CUL2: variants seen among roughly 807,000 people sequenced by gnomAD.
CUL2 encodes cullin 2, also known as cullin-2.
CUL2 carries 22 observed loss-of-function variants against 110.2 expected under a neutral mutation model. That is an observed-to-expected ratio of 0.20 (90% confidence interval 0.14 to 0.28). The LOEUF is 0.28. CUL2 is among the 10% of genes least tolerant of loss of function. CUL2 has a pLI of 1.00. For missense variants in CUL2, 631 were observed against 905.5 expected, an observed-to-expected ratio of 0.70 and a Z score of 3.89; for synonymous variants, 279 against 293.2, an observed-to-expected ratio of 0.95 and a Z score of 0.49.
intron 17 of CUL2, among the ~76,000 whole-genome samples, chr10:35,021,924 G>C (rs987516387): frequency 6.7e-6 from 1 of 149,616 alleles, no homozygotes; most frequent in Non-Finnish European, 1.5e-5. Context: ...AGTGGGGCGA[G>C]GGGGCACCCG....
intron 2 of CUL2, among the ~76,000 whole-genome samples, chr10:35,066,424 A>C (rs2086527385): frequency 6.6e-6 from 1 of 151,960 alleles, no homozygotes; most frequent in African/African-American, 2.4e-5. Flanking sequence ...CTACCTCCTG[A>C]GTAGCTGGGA....
intron 4 of CUL2, among the ~76,000 whole-genome samples, chr10:35,056,803 A>T (rs1444671012): frequency 6.6e-6 from 1 of 152,200 alleles, no homozygotes; most frequent in Non-Finnish European, 1.5e-5. Flanking sequence ...TTTTCTGGTC[A>T]CTGGCACCAA....
At chr10:35,112,598 A>G (rs1263422665) in intron 1 of CUL2, among the ~76,000 whole-genome samples, 5 of 152,210 alleles carry the variant, frequency 3.3e-5, no homozygotes, top group African/African-American at 4.8e-5. Context: ...CCTCAAGTCT[A>G]TGGCTGAGTT....
At chr10:35,089,905 T>C (rs1410979663) in intron 1 of CUL2, 2 of 152,176 alleles carry the variant, frequency 1.3e-5, no homozygotes, top group Non-Finnish European at 2.9e-5. Context: ...CCTTCCCTCC[T>C]TCGAAGGAAA....
chr10:35,018,582 G>A (rs2085103926), intron 17 of CUL2, among the ~76,000 whole-genome samples: 1 of 151,884 alleles, frequency 6.6e-6, no homozygotes, highest in South Asian at 2.1e-4. Flanking sequence ...TGACCAACAT[G>A]GAGAAACCCC....
At chr10:35,048,779 C>T (rs1453903829) in intron 6 of CUL2, among the ~76,000 whole-genome samples, 4 of 152,162 alleles carry the variant, frequency 2.6e-5, no homozygotes, top group African/African-American at 7.2e-5. Flanking sequence ...CACCTACTTT[C>T]TATTGGGTAT....
Position 35,071,896 on chromosome 10 carries a change from G to A in CUL2, c.-22-557C>T, listed in dbSNP as rs2134992356. ...AAAGCTTCTAGTACAAATTATTTAT[G>A]ATCAAGGGTATAGTTTCAAAGATTT... On this transcript the variant is annotated intron_variant, in intron 1 of 20. Coordinates refer to ENST00000374749, the MANE Select transcript of CUL2 (RefSeq NM_003591.4). 1.3e-5 allele frequency among the ~76,000 whole-genome samples: 2 copies of A among 152,286 alleles called. 1 individual carries two copies. The highest frequency in any genetic ancestry group is 4.1e-4 in the South Asian group (2 of 4,824).
At chr10:35,018,718 G>A (rs974666378) in intron 17 of CUL2, among the ~76,000 whole-genome samples, 41 of 143,828 alleles carry the variant, frequency 2.9e-4, no homozygotes, top group African/African-American at 1.0e-3. Context: ...AGCCGAGATC[G>A]CGCCATTGCA....
chr10:35,040,789 C>G (rs964808539), intron 8 of CUL2, among the ~76,000 whole-genome samples: 1 of 152,164 alleles, frequency 6.6e-6, no homozygotes, highest in Non-Finnish European at 1.5e-5. Context: ...CTCAGATCCT[C>G]AGGCATTAGA....
chr10:35,017,267 GGA>G (rs1171948949), intron 17 of CUL2, among the ~76,000 whole-genome samples: 1 of 152,138 alleles, frequency 6.6e-6, no homozygotes, highest in Non-Finnish European at 1.5e-5. Flanking sequence ...AGGTATGAAA[GGA>G]GAGACAAACA....
At chr10:35,123,637 G>A (rs1256669421) in intron 1 of CUL2, among the ~76,000 whole-genome samples, 2 of 152,180 alleles carry the variant, frequency 1.3e-5, no homozygotes, top group Admixed American at 6.6e-5. Context: ...ATCGTTTCAA[G>A]GTGTAGAGGC....
At chr10:35,108,342 A>G (rs1191368013) in intron 1 of CUL2, among the ~76,000 whole-genome samples, 1 of 151,676 alleles carries the variant, frequency 6.6e-6, no homozygotes, top group African/African-American at 2.4e-5. Flanking sequence ...CTGTAGTCCC[A>G]GCTACTTGGG....
At chr10:35,112,535 A>C (rs1056943193) in intron 1 of CUL2, among the ~76,000 whole-genome samples, 5 of 152,222 alleles carry the variant, frequency 3.3e-5, no homozygotes, top group Admixed American at 1.3e-4. Context: ...GACAGACTGC[A>C]AGAGAAGACA....
At chr10:35,049,818 C>A in intron 5 of CUL2, 53 bp from the exon 6 acceptor site, 1 of 1,217,690 alleles carries the variant, frequency 8.2e-7, no homozygotes, top group Non-Finnish European at 1.2e-6. Flanking sequence ...ATATGTTTAA[C>A]ATTTCCTCAA....
chr10:35,017,745 T>C (rs577702634), intron 17 of CUL2, among the ~76,000 whole-genome samples: 42 of 150,948 alleles, frequency 2.8e-4, no homozygotes, highest in Admixed American at 8.6e-4. Flanking sequence ...CTCTAAGAGA[T>C]AGAGCAAGTA....
At chr10:35,027,143 C>CTTT (rs35508150) in intron 16 of CUL2, among the ~76,000 whole-genome samples, 1 of 127,586 alleles carries the variant, frequency 7.8e-6, no homozygotes, top group Non-Finnish European at 1.7e-5. Flanking sequence ...ACTTTAGATA[C>CTTT]TTTTTTTTTT....
At chr10:35,087,625 C>T (rs2087096198) in intron 1 of CUL2, among the ~76,000 whole-genome samples, 1 of 152,172 alleles carries the variant, frequency 6.6e-6, no homozygotes, top group Non-Finnish European at 1.5e-5. Flanking sequence ...CAGTACACAG[C>T]ATCATCATCC....
intron 8 of CUL2, among the ~76,000 whole-genome samples, chr10:35,041,801 T>G (rs967895081): frequency 5.3e-5 from 8 of 152,202 alleles, no homozygotes; most frequent in African/African-American, 1.4e-4. Context: ...CCTCCCAAAG[T>G]GCTGCAATTA....
In CUL2 at chr10:35,014,395, T is replaced by C. The variant is rs2490665; in HGVS notation, c.1888-595A>G. ...AAAACTGTTTAGGCAATTTTTAGAATAACAACTTCTGTATCAGGCTTAAGA... is the reference window on the plus strand; with the variant it reads ...AAAACTGTTTAGGCAATTTTTAGAACAACAACTTCTGTATCAGGCTTAAGA... On this transcript the variant is annotated intron_variant, in intron 18 of 20. Transcript: ENST00000374749. Among the ~76,000 whole-genome samples the C allele has an allele frequency of 8.3e-3, 1,265 of 152,300 alleles. 8 individuals carry two copies. Among genetic ancestry groups the C allele is most frequent in the Admixed American group, 0.014 (220 of 15,290 alleles).
Sources: gnomAD v4.1 joint callset for allele counts (sites outside exome capture counted in the v4.1 genomes callset) on GRCh38, gnomAD v4.1.1 for gene constraint, MANE v1.5 for transcripts, NCBI Gene and HGNC (gene_info 2026-07-23, HGNC 2026-07-21) for gene names.